The following MCU variants were observed in gnomAD, a reference collection of about 807,000 sequenced individuals.
MCU encodes the protein calcium uniporter protein, mitochondrial.
MCU carries 12 observed loss-of-function variants against 45.2 expected under a neutral mutation model. The observed-to-expected ratio is 0.27, with a 90% CI of 0.17 to 0.43. The LOEUF (loss-of-function observed/expected upper bound fraction) is 0.43, where lower values mean the gene tolerates loss of function less well. Among genes scored for constraint, MCU ranks in the 20% least tolerant of loss-of-function variants. The probability of loss-of-function intolerance (pLI) is 1.00; values close to 1 mark genes in which losing one functional copy is unlikely to be tolerated. For synonymous variants in MCU, 160 were observed against 165.1 expected (o/e 0.97, Z 0.24); for missense variants, 324 against 436.7 (o/e 0.74, Z 2.30).
intron 1 of MCU, among the ~76,000 whole-genome samples, chr10:72,722,316 C>CA (rs35164146): frequency 0.098 from 1,973 of 20,084 alleles, 295 homozygotes; most frequent in Non-Finnish European, 0.15. Flanking sequence ...AACTCCATCT[C>CA]AAAAAAAAAA....
chr10:72,804,341 G>A (rs1312753683), intron 1 of MCU, among the ~76,000 whole-genome samples: 1 of 151,446 alleles, frequency 6.6e-6, no homozygotes, highest in Admixed American at 6.6e-5. Flanking sequence ...TGCCCGCCTT[G>A]GCCTCTCAAA....
chr10:72,729,165 A>G (rs576408461), intron 1 of MCU, among the ~76,000 whole-genome samples: 1 of 152,268 alleles, frequency 6.6e-6, no homozygotes, highest in Admixed American at 6.5e-5. Flanking sequence ...TAGTAAAGTG[A>G]TAGAAAACTG....
intron 1 of MCU, among the ~76,000 whole-genome samples, chr10:72,709,566 A>G (rs1401651648): frequency 2.0e-5 from 3 of 151,852 alleles, no homozygotes; most frequent in African/African-American, 7.3e-5. Flanking sequence ...ATAGACAGGA[A>G]AAATGGATTT....
At chr10:72,834,538 G>A in intron 2 of MCU, 110 bp downstream of exon 2, 1 of 816,908 alleles carries the variant, frequency 1.2e-6, no homozygotes, top group South Asian at 1.9e-5. Flanking sequence ...CAGTTAAGGT[G>A]GGCTTAGGGG....
intron 1 of MCU, among the ~76,000 whole-genome samples, chr10:72,745,338 C>T (rs946584484): frequency 2.6e-5 from 4 of 152,094 alleles, no homozygotes; most frequent in South Asian, 2.1e-4. Flanking sequence ...AAGCTATTAT[C>T]GTGGCTCAGC....
chr10:72,831,319 A>C (rs1844875478), intron 1 of MCU, among the ~76,000 whole-genome samples: 1 of 152,186 alleles, frequency 6.6e-6, no homozygotes, highest in Admixed American at 6.5e-5. Context: ...CGTAGGTTAG[A>C]GCGAAAGGTA....
At chr10:72,701,767 A>G (rs535837818) in intron 1 of MCU, among the ~76,000 whole-genome samples, 51 of 151,956 alleles carry the variant, frequency 3.4e-4, no homozygotes, top group Middle Eastern at 3.4e-3. Flanking sequence ...TCCTGACCTC[A>G]TGATCTTCCT....
At chr10:72,801,163 G>A (rs1278195572) in intron 1 of MCU, among the ~76,000 whole-genome samples, 1 of 152,120 alleles carries the variant, frequency 6.6e-6, no homozygotes, top group African/African-American at 2.4e-5. Flanking sequence ...TTGTGGGGGT[G>A]GGGATAGGTA....
chr10:72,718,782 T>C (rs1007481653), intron 1 of MCU, among the ~76,000 whole-genome samples: 9 of 152,320 alleles, frequency 5.9e-5, no homozygotes, highest in African/African-American at 2.2e-4. Context: ...CATAACCACA[T>C]AATGAGTATT....
At position 72,714,544 on chromosome 10, in the gene MCU, A is replaced by G. The variant is rs78760231; in HGVS notation, c.150+22243A>G. On this transcript the variant is annotated intron_variant, in intron 1 of 7. Coordinates refer to ENST00000373053, the MANE Select transcript of MCU (RefSeq NM_138357.3). The stretch of plus-strand genomic sequence containing the variant: ...CTTATCATGTGATTGTCAAATATCT[A>G]TTATTACTATTTTTTTTGAGACAGA... Among the ~76,000 whole-genome samples the G allele has an allele frequency of 6.1e-3, 930 of 151,496 alleles. 5 individuals carry two copies. The highest frequency in any genetic ancestry group is 0.011 in the Non-Finnish European group (751 of 67,816).
At chr10:72,865,678 A>G (rs1281786238) in intron 4 of MCU, among the ~76,000 whole-genome samples, 1 of 151,024 alleles carries the variant, frequency 6.6e-6, no homozygotes, top group Admixed American at 6.6e-5. Context: ...AGTAGCTAGG[A>G]CTATAGGCAC....
chr10:72,862,254 T>TACAGGCGTGAGCC (rs1358124105), intron 4 of MCU, among the ~76,000 whole-genome samples: 1 of 152,188 alleles, frequency 6.6e-6, no homozygotes, highest in African/African-American at 2.4e-5. Flanking sequence ...GTGCTGGGAT[T>TACAGGCGTGAGCC]ACAGGCGTGA....
intron 1 of MCU, among the ~76,000 whole-genome samples, chr10:72,726,062 G>A (rs147651327): frequency 7.3e-5 from 11 of 151,682 alleles, no homozygotes; most frequent in African/African-American, 2.4e-4. Context: ...TATCCTATCT[G>A]TTTTTATTTA....
intron 1 of MCU, among the ~76,000 whole-genome samples, chr10:72,767,357 C>T (rs986266348): frequency 7.9e-5 from 12 of 152,104 alleles, no homozygotes; most frequent in Non-Finnish European, 1.2e-4. Flanking sequence ...TCAGAGATTA[C>T]ATAGGACTAT....
At chr10:72,759,611 C>A (rs932243260) in intron 1 of MCU, among the ~76,000 whole-genome samples, 2 of 152,064 alleles carry the variant, frequency 1.3e-5, no homozygotes, top group Admixed American at 1.3e-4. Flanking sequence ...TAAAAACTCT[C>A]AGTACAAAAA....
intron 1 of MCU, among the ~76,000 whole-genome samples, chr10:72,801,495 A>G (rs554252356): frequency 1.4e-3 from 218 of 150,892 alleles, no homozygotes; most frequent in Admixed American, 3.2e-3. Flanking sequence ...CTGTAGTTTC[A>G]TGTTCTTCAC....
intron 1 of MCU, among the ~76,000 whole-genome samples, chr10:72,735,049 C>A (rs1239088644): frequency 6.8e-6 from 1 of 147,426 alleles, no homozygotes; most frequent in Non-Finnish European, 1.5e-5. Context: ...GCAGTGCAGG[C>A]TGGGTGACAG....
At chr10:72,741,686 T>C (rs190773042) in intron 1 of MCU, among the ~76,000 whole-genome samples, 9 of 152,304 alleles carry the variant, frequency 5.9e-5, no homozygotes, top group Admixed American at 4.6e-4. Flanking sequence ...CTAAAACTTC[T>C]GTCTGATTAG....
chr10:72,781,335 C>T (rs1843991037), intron 1 of MCU, among the ~76,000 whole-genome samples: 1 of 152,206 alleles, frequency 6.6e-6, no homozygotes, highest in Non-Finnish European at 1.5e-5. Context: ...AATTTTTCCC[C>T]ATGGCTTAAC....
Sources: allele counts gnomAD v4.1 joint callset (sites outside exome capture counted in the v4.1 genomes callset), GRCh38; gene constraint gnomAD v4.1.1; transcripts MANE v1.5; gene names NCBI Gene and HGNC (gene_info 2026-07-23, HGNC 2026-07-21).